The following SPTSSA variants were observed in gnomAD, a reference collection of about 807,000 sequenced individuals.
SPTSSA encodes the protein serine palmitoyltransferase small subunit A.
In SPTSSA, 8 loss-of-function variants were observed where a neutral mutation model predicts 9.1. The ratio of observed to expected loss-of-function variants is 0.88; its 90% CI spans 0.51 to 1.58. The LOEUF (loss-of-function observed/expected upper bound fraction) is 1.58. Among genes scored for constraint, SPTSSA ranks in the 40% most tolerant of loss-of-function variants. SPTSSA has a pLI of 0.00. For missense variants in SPTSSA, 100 were observed against 93.8 expected (o/e 1.07, Z -0.27); for synonymous variants, 42 against 37.7 (o/e 1.11, Z -0.41).
intron 1 of SPTSSA, among the ~76,000 whole-genome samples, chr14:34,443,172 T>TGTGTGTGTGTGTG (rs1883353252): frequency 3.3e-5 from 2 of 60,690 alleles, no homozygotes; most frequent in Admixed American, 1.7e-4. Context: ...TGTGTGTGTG[T>TGTGTGTGTGTGTG]TTTGAGATTG....
intron 1 of SPTSSA, among the ~76,000 whole-genome samples, chr14:34,447,225 TAAAAAA>T (rs79063928): frequency 0.02 from 1,704 of 85,318 alleles, 49 homozygotes; most frequent in African/African-American, 0.069. Flanking sequence ...CTCCATCTCT[TAAAAAA>T]AAAAAAAAAA....
intron 1 of SPTSSA, among the ~76,000 whole-genome samples, chr14:34,435,645 T>G (rs1883230194): frequency 1.4e-5 from 2 of 146,614 alleles, no homozygotes; most frequent in African/African-American, 5.2e-5. Context: ...TTTTTTTTTT[T>G]GAGACAGAGT....
chr14:34,447,665 T>A (rs1476723803), intron 1 of SPTSSA, among the ~76,000 whole-genome samples: 1 of 152,170 alleles, frequency 6.6e-6, no homozygotes, highest in Non-Finnish European at 1.5e-5. Context: ...AAGCCCATTG[T>A]TTTGGACTAA....
intron 1 of SPTSSA, among the ~76,000 whole-genome samples, chr14:34,437,325 C>T (rs1010925552): frequency 1.3e-5 from 2 of 152,240 alleles, no homozygotes; most frequent in African/African-American, 4.8e-5. Flanking sequence ...CTCTTTTAAT[C>T]TCTCTTACCA....
chr14:34,447,190 C>A (rs1056776330), intron 1 of SPTSSA, among the ~76,000 whole-genome samples: 2 of 141,716 alleles, frequency 1.4e-5, no homozygotes, highest in Non-Finnish European at 3.0e-5. Context: ...TGCCATGGCA[C>A]TCCAGTCTAG....
At chr14:34,455,011 C>CA (rs1883590146) in intron 1 of SPTSSA, among the ~76,000 whole-genome samples, 1 of 151,560 alleles carries the variant, frequency 6.6e-6, no homozygotes, top group African/African-American at 2.4e-5. Context: ...TGCTTGAACC[C>CA]AGGAGGCGGA....
chr14:34,450,157 T>G (rs1409380305), intron 1 of SPTSSA, among the ~76,000 whole-genome samples: 1 of 152,198 alleles, frequency 6.6e-6, no homozygotes, highest in Non-Finnish European at 1.5e-5. Context: ...GAGAAGGCAA[T>G]GTAATCCTCA....
At chr14:34,446,994 C>G (rs1202981443) in intron 1 of SPTSSA, among the ~76,000 whole-genome samples, 2 of 151,972 alleles carry the variant, frequency 1.3e-5, no homozygotes, top group Non-Finnish European at 2.9e-5. Flanking sequence ...GAGGCCGAGG[C>G]AGGTGGATTA....
intron 1 of SPTSSA, among the ~76,000 whole-genome samples, chr14:34,453,691 T>A (rs879622237): frequency 6.6e-6 from 1 of 152,220 alleles, no homozygotes; most frequent in Non-Finnish European, 1.5e-5. Context: ...ATTTTGCAGT[T>A]TTTCAGAAAC....
Position 34,462,079 on chromosome 14 carries a change from C to T in SPTSSA, c.112+17G>A. 7.2e-6 allele frequency: 10 copies of T among 1,388,424 alleles called. No homozygotes were observed. The highest frequency in any genetic ancestry group is 8.5e-6 in the Non-Finnish European group (9 of 1,057,796). The allele number at this position is 1,388,424 out of a possible 1,614,324, so 86.0% of individuals were successfully genotyped here. On this transcript the variant is annotated intron_variant, in intron 1 of 1. Transcript: ENST00000298130. ...GCCCCCAGCCCGGCCCCCGCGCGCGCGGCCGGGACAGGATACTGAACACCG... is the reference window on the plus strand; with the variant it reads ...GCCCCCAGCCCGGCCCCCGCGCGCGTGGCCGGGACAGGATACTGAACACCG...
intron 1 of SPTSSA, among the ~76,000 whole-genome samples, chr14:34,461,049 C>T (rs1407976134): frequency 6.6e-6 from 1 of 152,192 alleles, no homozygotes. Context: ...ACCTCAGTCA[C>T]TCACTGGAAT....
intron 1 of SPTSSA, among the ~76,000 whole-genome samples, chr14:34,442,983 T>TGA (rs1555314339): frequency 1.4e-4 from 21 of 148,336 alleles, no homozygotes; most frequent in African/African-American, 4.8e-4. Flanking sequence ...TGTGTGTGTG[T>TGA]GAGATGGAGT....
chr14:34,443,184 G>T (rs1883354149), intron 1 of SPTSSA, among the ~76,000 whole-genome samples: 1 of 45,046 alleles, frequency 2.2e-5, no homozygotes, highest in Non-Finnish European at 3.6e-5. Context: ...TTGAGATTGA[G>T]TTTTCCTCTA....
intron 1 of SPTSSA, among the ~76,000 whole-genome samples, chr14:34,459,452 C>A (rs1878566553): frequency 7.1e-6 from 1 of 139,920 alleles, no homozygotes; most frequent in Non-Finnish European, 1.5e-5. Context: ...GAGCGAGACA[C>A]CGTCTCAAAA....
chr14:34,450,788 TA>T (rs1339393923), intron 1 of SPTSSA, among the ~76,000 whole-genome samples: 2 of 152,126 alleles, frequency 1.3e-5, no homozygotes, highest in Admixed American at 1.3e-4. Flanking sequence ...ATTGAGCAAA[TA>T]ATGTGACAGG....
chr14:34,439,344 A>T (rs1883285293), intron 1 of SPTSSA, among the ~76,000 whole-genome samples: 1 of 152,100 alleles, frequency 6.6e-6, no homozygotes, highest in African/African-American at 2.4e-5. Flanking sequence ...ATCAGCCATT[A>T]AAGGGGACTT....
chr14:34,435,136 G>T lies in SPTSSA; in HGVS notation c.*65C>A. 1 of 1,255,934 alleles carries T rather than the reference G, an allele frequency of 8.0e-7. No individual in the cohort carries two copies. Among genetic ancestry groups the T allele is most frequent in the Non-Finnish European group, 1.1e-6 (1 of 870,444 alleles). The allele number at this position is 1,255,934 out of a possible 1,614,324, so 77.8% of individuals were successfully genotyped here. A position where few individuals can be genotyped will look rare whatever the true frequency, so the allele number is the denominator to read the frequency against. ...AGAAGAGTTTCTTATCACATCTGAT[G>T]GTCTCATTCCAACTTCGTAGGGTGG... is the stretch of plus-strand genomic sequence containing the variant. On this transcript the variant is annotated 3_prime_UTR_variant, in exon 2 of 2. Coordinates refer to ENST00000298130, the MANE Select transcript of SPTSSA (RefSeq NM_138288.4).
intron 1 of SPTSSA, among the ~76,000 whole-genome samples, chr14:34,443,684 C>G (rs1052915913): frequency 6.6e-6 from 1 of 151,858 alleles, no homozygotes; most frequent in Non-Finnish European, 1.5e-5. Context: ...TACAGGTGCC[C>G]GCCACCACAC....
chr14:34,451,578 C>A (rs1281629979), intron 1 of SPTSSA, among the ~76,000 whole-genome samples: 1 of 151,960 alleles, frequency 6.6e-6, no homozygotes, highest in African/African-American at 2.4e-5. Context: ...AAAAAATTAG[C>A]CGGGCGCGGT....
Sources: allele counts gnomAD v4.1 joint callset (sites outside exome capture counted in the v4.1 genomes callset), GRCh38; gene constraint gnomAD v4.1.1; transcripts MANE v1.5; gene names NCBI Gene and HGNC (gene_info 2026-07-23, HGNC 2026-07-21).